The following PCDH15 variants were observed in gnomAD, a reference collection of about 807,000 sequenced individuals.
The protein encoded by PCDH15 is protocadherin-15.
PCDH15 carries 129 observed loss-of-function variants against 178.5 expected under a neutral mutation model. The observed-to-expected ratio is 0.72, with a 90% CI of 0.63 to 0.84. The LOEUF (loss-of-function observed/expected upper bound fraction) is 0.84. Among genes scored for constraint, PCDH15 ranks in the 40% least tolerant of loss-of-function variants. The pLI, the probability that PCDH15 is intolerant of heterozygous loss-of-function variation, is 0.00. For synonymous variants in PCDH15, 800 were observed against 732.0 expected, an observed-to-expected ratio of 1.09 and a Z score of -1.50; for missense variants, 2,230 against 2,099.9, an observed-to-expected ratio of 1.06 and a Z score of -1.21.
At chr10:54,492,345 G>A (rs1052753543) in intron 3 of PCDH15, among the ~76,000 whole-genome samples, 18 of 152,126 alleles carry the variant, frequency 1.2e-4, no homozygotes, top group South Asian at 2.1e-4. Flanking sequence ...GAGTCTTCAG[G>A]TCTCTGTAAA....
intron 3 of PCDH15, among the ~76,000 whole-genome samples, chr10:54,459,546 TTAATA>T (rs954458739): frequency 7.2e-5 from 11 of 152,060 alleles, no homozygotes; most frequent in Admixed American, 7.2e-4. Flanking sequence ...GAAAAATGAC[TTAATA>T]TAATTAGTCC....
In PCDH15 at chr10:54,873,695, T is replaced by TTATATA. The variant is rs4019624; in HGVS notation, c.-29+23749_-29+23754dup. On this transcript the variant is annotated intron_variant, in intron 3 of 5. Transcript: ENST00000458638. ...AAAAATCTGAAGAAACTGCTGTATT[T>TTATATA]TATATATATATATATATATATAATA... Among the ~76,000 whole-genome samples the TTATATA allele has an allele frequency of 6.7e-3, 927 of 138,898 alleles. 4 individuals are homozygous for TTATATA. The highest frequency in any genetic ancestry group is 8.3e-3 in the South Asian group (36 of 4,342). The allele number at this position is 138,898 out of a possible 152,430, so 91.1% of individuals were successfully genotyped here.
intron 2 of PCDH15, among the ~76,000 whole-genome samples, chr10:54,649,261 T>A (rs1342709893): frequency 6.6e-6 from 1 of 152,210 alleles, no homozygotes; most frequent in Non-Finnish European, 1.5e-5. Context: ...AATACTTTTC[T>A]AAATAATACA....
chr10:55,264,573 C>A (rs992677294), intron 1 of PCDH15, among the ~76,000 whole-genome samples: 7 of 152,204 alleles, frequency 4.6e-5, no homozygotes, highest in African/African-American at 1.7e-4. Flanking sequence ...TTTATCACAC[C>A]CTGGGTTTTC....
intron 2 of PCDH15, among the ~76,000 whole-genome samples, chr10:55,536,937 G>T (rs1048421616): frequency 1.3e-5 from 2 of 151,950 alleles, no homozygotes; most frequent in African/African-American, 4.8e-5. Context: ...TTGTCATTAG[G>T]TGATGATGAT....
At chr10:54,891,154 T>G (rs1954453837) in intron 3 of PCDH15, among the ~76,000 whole-genome samples, 1 of 151,962 alleles carries the variant, frequency 6.6e-6, no homozygotes, top group African/African-American at 2.4e-5. Flanking sequence ...CAACTGAAAA[T>G]TAGGAGTTTT....
At chr10:54,101,693 G>A (rs72797030) in intron 15 of PCDH15, among the ~76,000 whole-genome samples, 4,689 of 152,230 alleles carry the variant, frequency 0.031, 90 homozygotes, top group South Asian at 0.048. Flanking sequence ...TCAGCTAGGC[G>A]CAGTGGCTCA....
intron 3 of PCDH15, among the ~76,000 whole-genome samples, chr10:54,513,805 T>C (rs373364600): frequency 1.3e-5 from 2 of 152,202 alleles, no homozygotes; most frequent in East Asian, 1.9e-4. Flanking sequence ...TTGAAATGCC[T>C]ACTATGTACC....
At chr10:55,452,043 A>T (rs550827094) in intron 2 of PCDH15, among the ~76,000 whole-genome samples, 1 of 152,312 alleles carries the variant, frequency 6.6e-6, no homozygotes, top group African/African-American at 2.4e-5. Context: ...TTAGTGTCTT[A>T]AAAATGTTGT....
intron 13 of PCDH15, among the ~76,000 whole-genome samples, chr10:54,167,871 C>CG (rs1215277565): frequency 6.6e-6 from 1 of 151,192 alleles, no homozygotes; most frequent in African/African-American, 2.4e-5. Flanking sequence ...TTCTGTGCCC[C>CG]ATCCCTTATT....
chr10:55,077,826 C>T (rs1213856147), intron 2 of PCDH15, among the ~76,000 whole-genome samples: 9 of 152,132 alleles, frequency 5.9e-5, no homozygotes, highest in Admixed American at 1.3e-4. Flanking sequence ...GGATTACAGG[C>T]GTGAGCCACC....
intron 2 of PCDH15, among the ~76,000 whole-genome samples, chr10:55,340,546 G>A (rs1322733345): frequency 6.6e-6 from 1 of 151,862 alleles, no homozygotes; most frequent in Non-Finnish European, 1.5e-5. Flanking sequence ...CTGCCTTTGA[G>A]AATTTTTTTA....
At chr10:54,508,799 G>A (rs2081385847) in intron 3 of PCDH15, among the ~76,000 whole-genome samples, 1 of 152,014 alleles carries the variant, frequency 6.6e-6, no homozygotes, top group Admixed American at 6.6e-5. Flanking sequence ...AAAATAGCTG[G>A]TACAGGTTGA....
intron 2 of PCDH15, among the ~76,000 whole-genome samples, chr10:55,133,008 C>A (rs778471425): frequency 6.6e-6 from 1 of 152,106 alleles, no homozygotes; most frequent in Non-Finnish European, 1.5e-5. Context: ...ACTGTAAAAT[C>A]TTTTGCCACT....
intron 2 of PCDH15, among the ~76,000 whole-genome samples, chr10:54,973,791 A>C (rs1487399452): frequency 6.6e-6 from 1 of 152,158 alleles, no homozygotes; most frequent in Non-Finnish European, 1.5e-5. Flanking sequence ...TCATGGAATA[A>C]ATAACCCAAA....
chr10:53,966,414 T>G (rs2089024736), intron 21 of PCDH15, among the ~76,000 whole-genome samples: 1 of 152,194 alleles, frequency 6.6e-6, no homozygotes, highest in African/African-American at 2.4e-5. Flanking sequence ...CCTTCTTCCC[T>G]TCTTTTTGCT....
intron 21 of PCDH15, among the ~76,000 whole-genome samples, chr10:53,977,289 A>G (rs143115617): frequency 1.9e-4 from 29 of 152,010 alleles, no homozygotes; most frequent in Non-Finnish European, 3.8e-4. Flanking sequence ...TGCCACACAT[A>G]TAATACACTA....
chr10:54,926,904 T>C (rs1009636612), intron 2 of PCDH15, among the ~76,000 whole-genome samples: 41 of 152,198 alleles, frequency 2.7e-4, no homozygotes, highest in Admixed American at 2.2e-3. Flanking sequence ...TAACAACTCC[T>C]GGATTTGTTG....
chr10:54,837,435 T>C (rs1953335088), intron 3 of PCDH15, among the ~76,000 whole-genome samples: 1 of 151,950 alleles, frequency 6.6e-6, no homozygotes. Flanking sequence ...AAAACCATGG[T>C]TAAAAGATGA....
Sources: gnomAD v4.1 joint callset for allele counts (sites outside exome capture counted in the v4.1 genomes callset) on GRCh38, gnomAD v4.1.1 for gene constraint, MANE v1.5 for transcripts, NCBI Gene and HGNC (gene_info 2026-07-23, HGNC 2026-07-21) for gene names.